Variants in SLC35F4 observed in about 807,000 individuals in gnomAD.
The protein encoded by SLC35F4 is chromosome 14 open reading frame 36.
A neutral mutation model predicts 44.2 loss-of-function variants in SLC35F4; 24 were observed. That is an observed-to-expected ratio of 0.54 (90% CI 0.39 to 0.76). SLC35F4 has a LOEUF of 0.76. Among genes scored for constraint, SLC35F4 ranks in the 30% least tolerant of loss-of-function variants. The pLI is 0.00. For missense variants in SLC35F4, 562 were observed against 586.1 expected (o/e 0.96, Z 0.42); for synonymous variants, 238 against 223.6 (o/e 1.06, Z -0.57).
At chr14:57,858,467 G>C (rs1595232756) in intron 1 of SLC35F4, among the ~76,000 whole-genome samples, 1 of 151,888 alleles carries the variant, frequency 6.6e-6, no homozygotes, top group Non-Finnish European at 1.5e-5. Context: ...ACTCGTAGGT[G>C]GGAATTGAAC....
At chr14:57,874,483 A>G (rs1888356625) in intron 1 of SLC35F4, among the ~76,000 whole-genome samples, 1 of 152,200 alleles carries the variant, frequency 6.6e-6, no homozygotes. Flanking sequence ...CAAACACTCA[A>G]GATAGGTTGA....
intron 1 of SLC35F4, among the ~76,000 whole-genome samples, chr14:57,659,002 G>C (rs2074054635): frequency 6.6e-6 from 1 of 152,110 alleles, no homozygotes; most frequent in Non-Finnish European, 1.5e-5. Flanking sequence ...CCTTAGGAAA[G>C]AAAGAAAATA....
chr14:57,570,054 A>G, intron 5 of SLC35F4, 74 bp from the exon 6 acceptor site: 2 of 1,362,450 alleles, frequency 1.5e-6, no homozygotes, highest in Non-Finnish European at 2.0e-6. Context: ...ACTGTTCCAT[A>G]CTGTGAGCTA....
At chr14:57,750,390 C>T (rs1217239863) in intron 1 of SLC35F4, among the ~76,000 whole-genome samples, 1 of 151,928 alleles carries the variant, frequency 6.6e-6, no homozygotes, top group Admixed American at 6.6e-5. Flanking sequence ...ATTACTTTTC[C>T]TTTGGATAGA....
chr14:57,848,106 T>A (rs1886198124), intron 1 of SLC35F4, among the ~76,000 whole-genome samples: 1 of 152,106 alleles, frequency 6.6e-6, no homozygotes, highest in Non-Finnish European at 1.5e-5. Flanking sequence ...GTAGAGAAAA[T>A]GGAAATTAGT....
chr14:57,645,033 A>G (rs554977095), intron 1 of SLC35F4, among the ~76,000 whole-genome samples: 3 of 152,288 alleles, frequency 2.0e-5, no homozygotes, highest in South Asian at 4.1e-4. Context: ...GCCTTGTAGT[A>G]TAGTTTAAAG....
chr14:57,603,909 C>G (rs1047459600), intron 1 of SLC35F4: 1 of 152,252 alleles, frequency 6.6e-6, no homozygotes, highest in African/African-American at 2.4e-5. Context: ...TGTCTTCACT[C>G]ACTAGTTACC....
At chr14:57,950,574 G>T (rs924802046) in intron 1 of SLC35F4, among the ~76,000 whole-genome samples, 1 of 152,016 alleles carries the variant, frequency 6.6e-6, no homozygotes, top group South Asian at 2.1e-4. Context: ...GAGCTAGGGT[G>T]ATTGTTGGGG....
chr14:57,694,249 C>T (rs567472919), intron 1 of SLC35F4, among the ~76,000 whole-genome samples: 21 of 152,294 alleles, frequency 1.4e-4, no homozygotes, highest in African/African-American at 3.6e-4. Context: ...TCCTTAAACT[C>T]TATTGACTAG....
intron 1 of SLC35F4, among the ~76,000 whole-genome samples, chr14:57,921,288 A>C (rs1889437728): frequency 6.6e-6 from 1 of 152,218 alleles, no homozygotes; most frequent in African/African-American, 2.4e-5. Context: ...AGAAGGCAGG[A>C]AAGGGCAGGG....
chr14:57,942,380 C>T (rs1174908156), intron 1 of SLC35F4, among the ~76,000 whole-genome samples: 2 of 152,162 alleles, frequency 1.3e-5, no homozygotes, highest in Admixed American at 1.3e-4. Flanking sequence ...TTTTGTAACC[C>T]ATCCAGTATC....
At chr14:57,581,482 C>G (rs1458651598) in intron 3 of SLC35F4, 49 bp from the exon 4 acceptor site, 1 of 1,498,982 alleles carries the variant, frequency 6.7e-7, no homozygotes, top group Non-Finnish European at 9.0e-7. Flanking sequence ...GGTGACACCT[C>G]TTGTCTTATC....
At position 57,577,999 on chromosome 14, in the gene SLC35F4, C is replaced by T. The variant is rs182102865; in HGVS notation, c.807+3215G>A. On this transcript the variant is annotated intron_variant, in intron 4 of 7. Coordinates refer to ENST00000556826, the MANE Select transcript of SLC35F4 (RefSeq NM_001306087.2). The stretch of plus-strand genomic sequence containing the variant: ...TCTGTAATTCAGTGTTCAAAAGAAA[C>T]AAAATATTAGCAAGTTATTCATAAT... Among the ~76,000 whole-genome samples the T allele has an allele frequency of 5.3e-5, 8 of 152,058 alleles. No homozygotes were observed. The East Asian group carries it at 1.5e-3, about 29-fold the overall frequency.
At chr14:57,567,238 C>G (rs547102007) in intron 6 of SLC35F4, among the ~76,000 whole-genome samples, 237 of 152,270 alleles carry the variant, frequency 1.6e-3, no homozygotes, top group African/African-American at 5.4e-3. Context: ...ATCATTTATC[C>G]ACTTTAAAAC....
At chr14:57,587,650 A>G (rs1038003949) in intron 3 of SLC35F4, among the ~76,000 whole-genome samples, 1 of 152,170 alleles carries the variant, frequency 6.6e-6, no homozygotes, top group Non-Finnish European at 1.5e-5. Flanking sequence ...GAGGGATAGC[A>G]CTGGGAGAAA....
intron 1 of SLC35F4, among the ~76,000 whole-genome samples, chr14:57,695,969 G>C (rs1293149465): frequency 6.6e-6 from 1 of 151,934 alleles, no homozygotes; most frequent in Non-Finnish European, 1.5e-5. Flanking sequence ...AAAACCTAAA[G>C]CCAGAAAAAC....
intron 1 of SLC35F4, among the ~76,000 whole-genome samples, chr14:57,632,149 T>A (rs1374041144): frequency 6.6e-6 from 1 of 152,122 alleles, no homozygotes; most frequent in Admixed American, 6.6e-5. Context: ...TTTAATTTTT[T>A]TTTTTAGATT....
chr14:57,946,686 G>C (rs1386843298), intron 1 of SLC35F4, among the ~76,000 whole-genome samples: 1 of 151,910 alleles, frequency 6.6e-6, no homozygotes, highest in Admixed American at 6.6e-5. Flanking sequence ...ATGTTGGCCA[G>C]GCTGGTCTCC....
intron 1 of SLC35F4, among the ~76,000 whole-genome samples, chr14:57,788,125 T>C (rs1229572603): frequency 2.0e-5 from 3 of 151,906 alleles, no homozygotes; most frequent in African/African-American, 4.8e-5. Flanking sequence ...TAGCTGTTCT[T>C]AGACAAAACA....
Sources: allele counts gnomAD v4.1 joint callset (sites outside exome capture counted in the v4.1 genomes callset), GRCh38; gene constraint gnomAD v4.1.1; transcripts MANE v1.5; gene names NCBI Gene and HGNC (gene_info 2026-07-23, HGNC 2026-07-21).